The following AKAP19 variants were observed in gnomAD, a reference collection of about 807,000 sequenced individuals.
The protein encoded by AKAP19 is small A-kinase anchoring protein.
chr2:190,126,175 C>A, the AKAP19 span, among the ~76,000 whole-genome samples: 184 of 150,926 alleles, frequency 1.2e-3, 2 homozygotes, highest in African/African-American at 4.3e-3. Context: ...CCTGTAGTCC[C>A]AGCTACTCAG....
chr2:189,942,839 C>T, the AKAP19 span, among the ~76,000 whole-genome samples: 3 of 152,168 alleles, frequency 2.0e-5, no homozygotes, highest in Non-Finnish European at 2.9e-5. Context: ...TTTAGGGTAT[C>T]TGGGAGAAGA....
the AKAP19 span, among the ~76,000 whole-genome samples, chr2:190,117,513 T>C: frequency 6.6e-6 from 1 of 152,230 alleles, no homozygotes. Context: ...AGTTTCGCAA[T>C]ACATGTTAAC....
At chr2:189,922,389 G>A in the AKAP19 span, among the ~76,000 whole-genome samples, 30 of 152,312 alleles carry the variant, frequency 2.0e-4, no homozygotes, top group East Asian at 3.1e-3. Context: ...AGACCAGTTC[G>A]AAAGCTATCA....
At chr2:190,162,715 T>C in the AKAP19 span, among the ~76,000 whole-genome samples, 1 of 152,188 alleles carries the variant, frequency 6.6e-6, no homozygotes, top group African/African-American at 2.4e-5. Flanking sequence ...CAATAATAAA[T>C]ACAATTCAAA....
At chr2:189,911,745 A>G in the AKAP19 span, among the ~76,000 whole-genome samples, 2 of 152,134 alleles carry the variant, frequency 1.3e-5, no homozygotes, top group African/African-American at 4.8e-5. Flanking sequence ...ACTGTCTTTA[A>G]TGACAATTCA....
At chr2:190,000,924 C>CT in the AKAP19 span, among the ~76,000 whole-genome samples, 1 of 152,030 alleles carries the variant, frequency 6.6e-6, no homozygotes, top group Non-Finnish European at 1.5e-5. Flanking sequence ...CTCCTGTTCT[C>CT]TTTTTTGCGG....
At chr2:189,917,914 A>C in the AKAP19 span, among the ~76,000 whole-genome samples, 1 of 151,956 alleles carries the variant, frequency 6.6e-6, no homozygotes, top group East Asian at 1.9e-4. Flanking sequence ...GGTCATGTCA[A>C]AATTTTTTAG....
the AKAP19 span, among the ~76,000 whole-genome samples, chr2:190,155,383 A>G: frequency 6.6e-6 from 1 of 152,212 alleles, no homozygotes; most frequent in African/African-American, 2.4e-5. Context: ...AGGAAGAAAG[A>G]ATTTAATAAA....
the AKAP19 span, among the ~76,000 whole-genome samples, chr2:190,005,321 C>T: frequency 6.6e-6 from 1 of 152,212 alleles, no homozygotes; most frequent in Admixed American, 6.5e-5. Context: ...TTACAGAGTG[C>T]TGATTGGTCC....
the AKAP19 span, among the ~76,000 whole-genome samples, chr2:190,186,240 C>T: frequency 2.0e-5 from 3 of 152,202 alleles, no homozygotes; most frequent in Non-Finnish European, 4.4e-5. This position sits in a 1 kb window ranked among gnomAD's most constrained non-coding sequence, Gnocchi z 5.5. Context: ...GCGTGAGCCA[C>T]CATGCCCAAC....
chr2:189,982,931 C>T, the AKAP19 span, among the ~76,000 whole-genome samples: 2 of 152,056 alleles, frequency 1.3e-5, no homozygotes, highest in African/African-American at 2.4e-5. Flanking sequence ...TAGCATTAAG[C>T]GCCTCTGATA....
At chr2:189,975,377 T>A in the AKAP19 span, among the ~76,000 whole-genome samples, 2 of 152,132 alleles carry the variant, frequency 1.3e-5, no homozygotes, top group South Asian at 2.1e-4. Flanking sequence ...CTTCCCTTTG[T>A]GGGTAACCCG....
chr2:190,039,570 T>C, the AKAP19 span, among the ~76,000 whole-genome samples: 1 of 152,152 alleles, frequency 6.6e-6, no homozygotes, highest in Non-Finnish European at 1.5e-5. Flanking sequence ...GTTTGTTACA[T>C]AGGTAAACGT....
At chr2:189,995,104 G>A in the AKAP19 span, among the ~76,000 whole-genome samples, 2 of 152,158 alleles carry the variant, frequency 1.3e-5, no homozygotes, top group Admixed American at 1.3e-4. Context: ...TTCTGTGGTT[G>A]TTGGTTAGAA....
At chr2:190,045,320 C>T in the AKAP19 span, among the ~76,000 whole-genome samples, 1 of 152,156 alleles carries the variant, frequency 6.6e-6, no homozygotes, top group African/African-American at 2.4e-5. Context: ...AAGGCTGGAT[C>T]AGCTAAGTCA....
chr2:190,195,654 G>T, the AKAP19 span, among the ~76,000 whole-genome samples: 1 of 152,140 alleles, frequency 6.6e-6, no homozygotes, highest in Admixed American at 6.6e-5. Context: ...GTATACTTTA[G>T]ATAACAATCT....
chr2:189,964,678 TC>T, the AKAP19 span, among the ~76,000 whole-genome samples: 7 of 152,254 alleles, frequency 4.6e-5, no homozygotes, highest in African/African-American at 1.7e-4. Flanking sequence ...GGATATGGCT[TC>T]CTTTAAAAAA....
the AKAP19 span, among the ~76,000 whole-genome samples, chr2:189,912,501 A>G: frequency 1.3e-5 from 2 of 152,208 alleles, no homozygotes; most frequent in Non-Finnish European, 2.9e-5. Context: ...AGATCGCAAC[A>G]CTGCACTCCA....
At chr2:190,197,937 C>G in the AKAP19 span, among the ~76,000 whole-genome samples, 11 of 152,096 alleles carry the variant, frequency 7.2e-5, no homozygotes, top group African/African-American at 2.7e-4. The surrounding 1 kb of genome is among the most constrained non-coding windows in gnomAD (Gnocchi z 4.0). Context: ...TTCAGGTTAA[C>G]CATGTCCAAT....
Sources: gnomAD v4.1 joint callset for allele counts (sites outside exome capture counted in the v4.1 genomes callset) on GRCh38, gnomAD v4.1.1 for gene constraint, Gnocchi (gnomAD v3.1) non-coding constraint, MANE v1.5 for transcripts, NCBI Gene and HGNC (gene_info 2026-07-23, HGNC 2026-07-21) for gene names.